The following MECOM variants were observed in gnomAD, a reference collection of about 807,000 sequenced individuals.
MECOM encodes the protein histone-lysine N-methyltransferase MECOM.
In MECOM, 13 loss-of-function variants were observed where a neutral mutation model predicts 116.3. That is an observed-to-expected ratio of 0.11 (90% CI 0.07 to 0.18). MECOM has a LOEUF of 0.18. Among genes scored for constraint, MECOM ranks in the 10% least tolerant of loss-of-function variants. The pLI is 1.00. For synonymous variants in MECOM, 528 were observed against 535.2 expected, an observed-to-expected ratio of 0.99 and a Z score of 0.19; for missense variants, 1,299 against 1,509.0, an observed-to-expected ratio of 0.86 and a Z score of 2.31.
chr3:169,513,693 T>C (rs1004524752), intron 1 of MECOM, among the ~76,000 whole-genome samples: 109 of 152,228 alleles, frequency 7.2e-4, no homozygotes, highest in African/African-American at 2.6e-3. Context: ...GTGATAAAGC[T>C]GGCCTTTTTG....
At chr3:169,426,962 T>C (rs945135940) in intron 1 of MECOM, among the ~76,000 whole-genome samples, 2 of 152,102 alleles carry the variant, frequency 1.3e-5, no homozygotes, top group Non-Finnish European at 2.9e-5. Context: ...CAACCCCCAA[T>C]TTACAAATGA....
At chr3:169,432,676 ATTC>A (rs775560672) in intron 1 of MECOM, among the ~76,000 whole-genome samples, 16 of 152,212 alleles carry the variant, frequency 1.1e-4, no homozygotes, top group Non-Finnish European at 1.8e-4. Flanking sequence ...CATCTATTTC[ATTC>A]TTCTTCTTTA....
intron 12 of MECOM, among the ~76,000 whole-genome samples, chr3:169,096,914 T>TA (rs1387808193): frequency 9.9e-5 from 15 of 151,816 alleles, no homozygotes; most frequent in African/African-American, 3.6e-4. Flanking sequence ...ACGATATTAA[T>TA]AAAAATTGTG....
chr3:169,530,157 CAAG>C (rs1176669908), intron 1 of MECOM, among the ~76,000 whole-genome samples: 2 of 141,514 alleles, frequency 1.4e-5, no homozygotes, highest in Non-Finnish European at 3.1e-5. Flanking sequence ...GAAAGAAAGG[CAAG>C]GAGGGCTTTC....
At chr3:169,246,527 C>CTTTTTTT (rs11454849) in intron 2 of MECOM, among the ~76,000 whole-genome samples, 1 of 131,334 alleles carries the variant, frequency 7.6e-6, no homozygotes, top group Non-Finnish European at 1.6e-5. Context: ...TACACATACA[C>CTTTTTTT]TTTTTTTTTT....
intron 1 of MECOM, among the ~76,000 whole-genome samples, chr3:169,479,224 A>C (rs893048304): frequency 1.3e-5 from 2 of 151,970 alleles, no homozygotes; most frequent in African/African-American, 4.8e-5. Context: ...AGTGACACTT[A>C]AGGTGAGATA....
chr3:169,558,029 T>C (rs1039073103), intron 1 of MECOM, among the ~76,000 whole-genome samples: 5 of 152,204 alleles, frequency 3.3e-5, no homozygotes, highest in Admixed American at 6.6e-5. Flanking sequence ...ACAGGATTTT[T>C]TAAAAGATTT....
chr3:169,221,600 G>C (rs34420927), intron 2 of MECOM, among the ~76,000 whole-genome samples: 34,546 of 150,776 alleles, frequency 0.23, 4,171 homozygotes, highest in African/African-American at 0.3. Context: ...GGCAGCTCCT[G>C]GAAGTCACTC....
intron 2 of MECOM, among the ~76,000 whole-genome samples, chr3:169,287,189 C>T (rs1389773270): frequency 6.6e-6 from 1 of 152,112 alleles, no homozygotes; most frequent in African/African-American, 2.4e-5. Flanking sequence ...ACAAAGATTA[C>T]AAGGACCCTA....
At chr3:169,463,991 T>C (rs542749520) in intron 1 of MECOM, 1 of 152,250 alleles carries the variant, frequency 6.6e-6, no homozygotes, top group Admixed American at 6.5e-5. Context: ...TCTGCGAAGT[T>C]TCTGCAAAGC....
intron 16 of MECOM, 88 bp downstream of exon 16, chr3:169,088,912 G>A (rs1718724315): frequency 3.5e-6 from 4 of 1,148,386 alleles, no homozygotes; most frequent in South Asian, 4.9e-5. Context: ...ATATTTCAAA[G>A]ATAGAATATT....
At chr3:169,542,728 A>C (rs1760239746) in intron 1 of MECOM, among the ~76,000 whole-genome samples, 2 of 152,238 alleles carry the variant, frequency 1.3e-5, no homozygotes, top group Admixed American at 1.3e-4. Context: ...GCAACTAAAC[A>C]GCCATGCCTT....
intron 1 of MECOM, among the ~76,000 whole-genome samples, chr3:169,661,086 G>A (rs895818519): frequency 5.3e-5 from 8 of 152,230 alleles, no homozygotes; most frequent in African/African-American, 1.9e-4. Flanking sequence ...AGTGGACTGT[G>A]CGTGCGGGAA....
chr3:169,632,393 G>GA (rs76642811), intron 1 of MECOM, among the ~76,000 whole-genome samples: 24,664 of 150,046 alleles, frequency 0.16, 2,229 homozygotes, highest in East Asian at 0.25. Flanking sequence ...ATACTTCGGA[G>GA]AAAAAAAAAT....
At chr3:169,125,878 C>G (rs1421716436) in intron 5 of MECOM, among the ~76,000 whole-genome samples, 1 of 151,992 alleles carries the variant, frequency 6.6e-6, no homozygotes, top group Non-Finnish European at 1.5e-5. Flanking sequence ...AAAGGATAGA[C>G]AGCAGAAGAA....
intron 1 of MECOM, among the ~76,000 whole-genome samples, chr3:169,560,156 G>A (rs962559661): frequency 6.6e-6 from 1 of 152,108 alleles, no homozygotes; most frequent in Middle Eastern, 3.2e-3. Flanking sequence ...CCTTATAAGT[G>A]TTTAAGAATC....
chr3:169,426,430 AC>A (rs1286291082), intron 1 of MECOM, among the ~76,000 whole-genome samples: 3 of 152,108 alleles, frequency 2.0e-5, no homozygotes, highest in Non-Finnish European at 1.5e-5. Flanking sequence ...GGGAAAAGGA[AC>A]CTCTGATGCT....
At chr3:169,173,399 C>T (rs1744721520) in intron 2 of MECOM, among the ~76,000 whole-genome samples, 1 of 152,132 alleles carries the variant, frequency 6.6e-6, no homozygotes. Flanking sequence ...CCTCTCTCCC[C>T]AATGCTGGTA....
intron 1 of MECOM, among the ~76,000 whole-genome samples, chr3:169,559,708 G>GT (rs952233617): frequency 1.3e-5 from 2 of 151,904 alleles, no homozygotes; most frequent in Non-Finnish European, 2.9e-5. Flanking sequence ...TTTAAGTAAC[G>GT]TAAGTGCCTA....
Sources: gnomAD v4.1 joint callset for allele counts (sites outside exome capture counted in the v4.1 genomes callset) on GRCh38, gnomAD v4.1.1 for gene constraint, MANE v1.5 for transcripts, NCBI Gene and HGNC (gene_info 2026-07-23, HGNC 2026-07-21) for gene names.